The following ASB15 variants were observed in gnomAD, a reference collection of about 807,000 sequenced individuals.
ASB15 encodes the protein ankyrin repeat and SOCS box protein 15.
A neutral mutation model predicts 58.0 loss-of-function variants in ASB15; 54 were observed. The observed-to-expected ratio is 0.93, with a 90% CI of 0.75 to 1.17. ASB15 has a LOEUF of 1.17. Ranked by LOEUF, ASB15 falls within the 50% of genes most tolerant of loss-of-function variation. ASB15 has a pLI of 0.00. For synonymous variants in ASB15, 249 were observed against 262.4 expected, an observed-to-expected ratio of 0.95 and a Z score of 0.50; for missense variants, 680 against 707.4, an observed-to-expected ratio of 0.96 and a Z score of 0.44.
At chr7:123,633,643 G>A (rs577839668) in intron 11 of ASB15, among the ~76,000 whole-genome samples, 23 of 152,264 alleles carry the variant, frequency 1.5e-4, no homozygotes, top group Admixed American at 1.2e-3. Flanking sequence ...GCACGCGCGC[G>A]CACGTGCGTC....
chr7:123,628,041 CAA>C (rs1801905070), intron 9 of ASB15, among the ~76,000 whole-genome samples: 1 of 152,176 alleles, frequency 6.6e-6, no homozygotes, highest in Admixed American at 6.5e-5. Context: ...ACAGTAGACA[CAA>C]GAGATCAGGT....
intron 2 of ASB15, among the ~76,000 whole-genome samples, chr7:123,605,023 C>T (rs1429095338): frequency 6.6e-6 from 1 of 151,890 alleles, no homozygotes. Flanking sequence ...ATGGCCTGTA[C>T]ATGATTTCAA....
At chr7:123,630,196 T>C in intron 11 of ASB15, 77 bp downstream of exon 11, 1 of 1,124,402 alleles carries the variant, frequency 8.9e-7, no homozygotes, top group Non-Finnish European at 1.2e-6. Flanking sequence ...TCTTCTTTGA[T>C]ACTTTTCCTA....
chr7:123,630,807 A>C lies in ASB15; in HGVS notation c.1594+688A>C, dbSNP rs1439575167. ...TTGGACATCAATTTCATGAAGCCTA[A>C]AGAAGCATTATAGAATTTTATATGA... On this transcript the variant is annotated intron_variant, in intron 11 of 11. Transcript: ENST00000451215. 2.0e-5 allele frequency among the ~76,000 whole-genome samples: 3 copies of C among 152,254 alleles called. No individual in the cohort carries two copies. The East Asian group carries it at 5.8e-4, about 29-fold the overall frequency.
At chr7:123,612,707 C>G (rs1458393662) in intron 3 of ASB15, among the ~76,000 whole-genome samples, 1 of 152,124 alleles carries the variant, frequency 6.6e-6, no homozygotes, top group Non-Finnish European at 1.5e-5. Context: ...AAAGAAACTC[C>G]ATATCCAAAG....
At position 123,592,121 on chromosome 7, in the gene ASB15, T is replaced by A. The variant is rs76573232; in HGVS notation, c.-442-11911T>A. Among the ~76,000 whole-genome samples, 1,446 of 152,350 alleles carry A rather than the reference T, an allele frequency of 9.5e-3. 22 individuals carry two copies. Among genetic ancestry groups the A allele is most frequent in the African/African-American group, 0.033 (1,364 of 41,574 alleles). On this transcript the variant is annotated intron_variant, in intron 1 of 13. Transcript: ENST00000451558. ...TATAGTATTCTGATAGTAGTTTGTA[T>A]TTCTGTGGGATCAGTGGTGATATCC... is the stretch of plus-strand genomic sequence containing the variant.
In ASB15 at chr7:123,629,450, T is replaced by C; in HGVS notation, c.1440+16T>C. The C allele has an allele frequency of 6.4e-7, 1 of 1,560,022 alleles. No individual in the cohort carries two copies. The highest frequency in any genetic ancestry group is 8.7e-7 in the Non-Finnish European group (1 of 1,146,442). On this transcript the variant is annotated intron_variant, in intron 10 of 11. Transcript: ENST00000451215. ...AGATAACCCGGTGAGTTATGCCTTT[T>C]CTGCTTTATATTGAGTTATCATCCT... is the stretch of plus-strand genomic sequence containing the variant.
At chr7:123,576,290 G>A (rs755846740) in intron 1 of ASB15, among the ~76,000 whole-genome samples, 3 of 151,270 alleles carry the variant, frequency 2.0e-5, no homozygotes, top group African/African-American at 4.9e-5. Flanking sequence ...TCTTTATTGA[G>A]TTTTTGCATT....
At chr7:123,606,873 C>G (rs1025811045) in intron 2 of ASB15, among the ~76,000 whole-genome samples, 6 of 152,124 alleles carry the variant, frequency 3.9e-5, no homozygotes, top group Non-Finnish European at 8.8e-5. Flanking sequence ...TAGGTTGTTT[C>G]TATATCTTGG....
At chr7:123,587,157 G>T (rs1161635451) in intron 1 of ASB15, among the ~76,000 whole-genome samples, 1 of 151,502 alleles carries the variant, frequency 6.6e-6, no homozygotes. Flanking sequence ...TCACTTTGTA[G>T]TGTGAACATT....
At chr7:123,573,885 T>TA (rs917366966) in intron 1 of ASB15, among the ~76,000 whole-genome samples, 38 of 151,364 alleles carry the variant, frequency 2.5e-4, no homozygotes, top group Middle Eastern at 3.4e-3. Context: ...TCTTATTAAT[T>TA]AAAAAAAAAC....
At chr7:123,595,749 TA>T (rs923780190) in intron 1 of ASB15, among the ~76,000 whole-genome samples, 1 of 152,198 alleles carries the variant, frequency 6.6e-6, no homozygotes, top group Non-Finnish European at 1.5e-5. Flanking sequence ...CTTGACTTTG[TA>T]AATGCTCTTT....
intron 10 of ASB15, 86 bp downstream of exon 10, chr7:123,629,520 AAAAT>A (rs1444475981): frequency 1.1e-4 from 135 of 1,228,964 alleles, no homozygotes; most frequent in Non-Finnish European, 1.4e-4. Context: ...CAAGAAAAGA[AAAAT>A]AAACTCTAAT....
chr7:123,570,097 C>T (rs185003935), intron 1 of ASB15, among the ~76,000 whole-genome samples: 100 of 143,598 alleles, frequency 7.0e-4, no homozygotes, highest in Non-Finnish European at 9.7e-4. Flanking sequence ...TGCAGTGGCA[C>T]GATCTCGGCT....
chr7:123,573,100 T>C (rs955716577), intron 1 of ASB15, among the ~76,000 whole-genome samples: 1 of 152,144 alleles, frequency 6.6e-6, no homozygotes, highest in African/African-American at 2.4e-5. Flanking sequence ...AAGTACTCCC[T>C]GAAATCACCT....
chr7:123,609,205 T>C (rs1562925230), intron 3 of ASB15: 1 of 151,976 alleles, frequency 6.6e-6, no homozygotes, highest in Non-Finnish European at 1.5e-5. Flanking sequence ...TGGATAAAAT[T>C]GTAAAGAAAA....
At chr7:123,635,994 C>G (rs1457460866) in intron 11 of ASB15, among the ~76,000 whole-genome samples, 4 of 152,072 alleles carry the variant, frequency 2.6e-5, no homozygotes, top group African/African-American at 9.7e-5. Flanking sequence ...GTACCAAGCA[C>G]TTTTCTAATA....
chr7:123,632,129 C>T (rs922210007), intron 11 of ASB15, among the ~76,000 whole-genome samples: 1 of 151,788 alleles, frequency 6.6e-6, no homozygotes, highest in Non-Finnish European at 1.5e-5. Flanking sequence ...AATATCCCCA[C>T]GGGCAATGAA....
intron 4 of ASB15, 150 bp from the exon 5 acceptor site, chr7:123,616,071 T>C (rs1800791853): frequency 3.0e-6 from 2 of 661,644 alleles, no homozygotes; most frequent in South Asian, 2.2e-5. Flanking sequence ...ATACATTTAC[T>C]TTTTAAGGAG....
Sources: allele counts gnomAD v4.1 joint callset (sites outside exome capture counted in the v4.1 genomes callset), GRCh38; gene constraint gnomAD v4.1.1; transcripts MANE v1.5; gene names NCBI Gene and HGNC (gene_info 2026-07-23, HGNC 2026-07-21).